Variants in TRIM71 observed in about 807,000 individuals in gnomAD.
TRIM71 encodes the protein E3 ubiquitin-protein ligase TRIM71.
Under a neutral mutation model 61.2 loss-of-function variants are expected in TRIM71, and 9 were observed. That is an observed-to-expected ratio of 0.15 (90% CI 0.09 to 0.26). TRIM71 has a LOEUF of 0.26. TRIM71 is among the 10% of genes least tolerant of loss of function. The pLI, the probability that TRIM71 is intolerant of heterozygous loss-of-function variation, is 1.00. For missense variants in TRIM71, 998 were observed against 1,238.7 expected (o/e 0.81, Z 2.92); for synonymous variants, 645 against 553.2 (o/e 1.17, Z -2.33).
At chr3:32,831,253 T>A (rs1696267312) in intron 1 of TRIM71, among the ~76,000 whole-genome samples, 1 of 152,118 alleles carries the variant, frequency 6.6e-6, no homozygotes, top group Admixed American at 6.6e-5. Flanking sequence ...AACAACTGGA[T>A]TTAAGTCCTA....
At chr3:32,873,795 C>A (rs1696823006) in intron 1 of TRIM71, 23 bp from the exon 2 acceptor site, 3 of 1,532,700 alleles carry the variant, frequency 2.0e-6, no homozygotes. Flanking sequence ...TCCATTTATG[C>A]CTGTACCCTC....
At chr3:32,871,805 A>G (rs1448025486) in intron 1 of TRIM71, among the ~76,000 whole-genome samples, 3 of 152,220 alleles carry the variant, frequency 2.0e-5, no homozygotes, top group African/African-American at 7.2e-5. Flanking sequence ...GCAGTGATCA[A>G]AATTAGTAGG....
At chr3:32,875,450 GTTGTTCACCCTCTAGGAGAAGAAAAA>G (rs1559548879) in intron 2 of TRIM71, among the ~76,000 whole-genome samples, 1 of 152,174 alleles carries the variant, frequency 6.6e-6, no homozygotes, top group African/African-American at 2.4e-5. Flanking sequence ...GTCAAGAAAA[GTTGTTCACCCTCTAGGAGAAGAAAAA>G]TTGTTCACCC....
chr3:32,891,046 A>G lies in TRIM71; in HGVS notation c.1842A>G (p.Val614=). Residue 614 remains valine (V), a synonymous_variant, in exon 4 of 4, where the codon GTA becomes GTG. Transcript: ENST00000383763. The surrounding 1 kb of genome is among the most constrained non-coding windows in gnomAD (Gnocchi z 8.2). ...GKLCRPWGVS[V]DKEGYIIVAD... is the part of the protein sequence containing the mutation. ...TCTGCCGCCCTTGGGGTGTGAGTGT[A>G]GACAAGGAGGGCTACATCATTGTCG... is the stretch of plus-strand genomic sequence containing the variant. 2 of 1,613,520 alleles carry G rather than the reference A, an allele frequency of 1.2e-6. No individual in the cohort carries two copies. The highest frequency in any genetic ancestry group is 8.5e-7 in the Non-Finnish European group (1 of 1,180,000).
intron 2 of TRIM71, among the ~76,000 whole-genome samples, chr3:32,881,327 C>T (rs564703956): frequency 6.6e-6 from 1 of 152,282 alleles, no homozygotes; most frequent in East Asian, 1.9e-4. Flanking sequence ...CCAAAAATTA[C>T]ATTTTAGAGT....
At position 32,818,216 on chromosome 3, in the gene TRIM71, G is replaced by A; in HGVS notation, c.136G>A (p.Gly46Ser). 5.2e-6 allele frequency: 8 copies of A among 1,550,760 alleles called. No individual in the cohort carries two copies. The highest frequency in any genetic ancestry group is 6.9e-6 in the Non-Finnish European group (8 of 1,154,932). Residue 46 changes from glycine to serine, a missense_variant, in exon 1 of 4, where the codon GGC (glycine) becomes AGC (serine). By Grantham distance (56) the Gly-to-Ser change is moderately conservative (BLOSUM62 0). This residue lies in a region of TRIM71 where 527 missense variants were observed against 427.8 expected (regional missense o/e 1.23). Transcript: ENST00000383763. Reference sequence around the variant, plus strand: ...GACGTCCACGTCGTCGGGGGGCGGCGGCGGGGGCCCTGGGGCGGCGGCGCG... The same window carrying A: ...GACGTCCACGTCGTCGGGGGGCGGCAGCGGGGGCCCTGGGGCGGCGGCGCG... ...SQTSTSSGGGGGGPGAAARRL... is the reference protein window; with the variant it reads ...SQTSTSSGGGSGGPGAAARRL...
intron 1 of TRIM71, among the ~76,000 whole-genome samples, chr3:32,865,703 A>T (rs1228310801): frequency 6.6e-6 from 1 of 151,404 alleles, no homozygotes; most frequent in Non-Finnish European, 1.5e-5. Flanking sequence ...TCAAGTCAGC[A>T]AGTAAGCCCA....
intron 1 of TRIM71, among the ~76,000 whole-genome samples, chr3:32,843,695 G>A (rs929869947): frequency 2.0e-5 from 3 of 152,154 alleles, no homozygotes; most frequent in Non-Finnish European, 4.4e-5. Context: ...CCCGTTACCC[G>A]CTGGGTTTTC....
intron 1 of TRIM71, among the ~76,000 whole-genome samples, chr3:32,850,863 C>G (rs1575348681): frequency 6.6e-6 from 1 of 152,290 alleles, no homozygotes; most frequent in East Asian, 1.9e-4. Context: ...TTGCATTGAT[C>G]AGATCCCGAA....
At chr3:32,863,262 GC>G (rs1357247006) in intron 1 of TRIM71, among the ~76,000 whole-genome samples, 1 of 138,076 alleles carries the variant, frequency 7.2e-6, no homozygotes, top group Admixed American at 8.0e-5. Context: ...CAGGCTGACT[GC>G]GGTGGTGCAT....
At position 32,890,397 on chromosome 3, in the gene TRIM71, A is replaced by G; in HGVS notation, c.1193A>G (p.Tyr398Cys). 6.2e-7 allele frequency: 1 copy of G among 1,613,760 alleles called. No homozygotes were observed. The highest frequency in any genetic ancestry group is 8.5e-7 in the Non-Finnish European group (1 of 1,179,726). ...CGCCAGGTGAAAGCCAAGTCTCTGT[A>G]CCTGCAGGTGGAGAAGCTGCGGCAA... ...KIRQVKAKSL[Y>C]LQVEKLRQNL... is the part of the protein sequence containing the mutation. Residue 398 changes from tyrosine (Y) to cysteine (C), a missense_variant, in exon 4 of 4, where the codon TAC becomes TGC. Coordinates refer to ENST00000383763, the MANE Select transcript of TRIM71 (RefSeq NM_001039111.3). The surrounding 1 kb of genome is among the most constrained non-coding windows in gnomAD (Gnocchi z 6.2).
rs1369576267 is a variant in TRIM71 at position 32,826,870 on chromosome 3, C to T, written c.852+7938C>T. Among the ~76,000 whole-genome samples the T allele has an allele frequency of 3.9e-5, 6 of 152,154 alleles. No homozygotes were observed. The East Asian group carries it at 1.2e-3, about 29-fold the overall frequency. ...CTCTGCCTCCTGGGTTCACGCCATC[C>T]TCCTGCCTCAGCCTTCCCAGTAGCT... is the stretch of plus-strand genomic sequence containing the variant. On this transcript the variant is annotated intron_variant, in intron 1 of 3. Coordinates refer to ENST00000383763, the MANE Select transcript of TRIM71 (RefSeq NM_001039111.3).
At chr3:32,864,026 A>G (rs1228033296) in intron 1 of TRIM71, among the ~76,000 whole-genome samples, 1 of 152,102 alleles carries the variant, frequency 6.6e-6, no homozygotes, top group Non-Finnish European at 1.5e-5. Context: ...GTGTGTATGT[A>G]CCACGGTGTA....
chr3:32,854,026 A>G (rs1696569410), intron 1 of TRIM71, among the ~76,000 whole-genome samples: 1 of 151,988 alleles, frequency 6.6e-6, no homozygotes, highest in Admixed American at 6.6e-5. Flanking sequence ...AAGGAAAGAA[A>G]AGTCTTGGTG....
At chr3:32,838,743 T>G (rs182446148) in intron 1 of TRIM71, among the ~76,000 whole-genome samples, 37 of 152,206 alleles carry the variant, frequency 2.4e-4, no homozygotes, top group Admixed American at 9.8e-4. Context: ...TGTGACAGAT[T>G]GGTGGTTTCC....
At chr3:32,864,573 GTTGT>G (rs1696708511) in intron 1 of TRIM71, among the ~76,000 whole-genome samples, 1 of 152,236 alleles carries the variant, frequency 6.6e-6, no homozygotes, top group South Asian at 2.1e-4. Flanking sequence ...TGGAGGACGT[GTTGT>G]TTATTCGAGA....
chr3:32,890,658 C>T lies in TRIM71; in HGVS notation c.1454C>T (p.Pro485Leu). Residue 485 changes from proline to leucine, a missense_variant, in exon 4 of 4, where the codon CCA (proline) becomes CTA (leucine). Around this residue, in one of 5 missense-constraint regions of TRIM71, gnomAD observed 291 missense variants for 431.2 expected, o/e 0.67. Transcript: ENST00000383763. This position sits in a 1 kb window ranked among gnomAD's most constrained non-coding sequence, Gnocchi z 6.2. ...FGFVSSGAFAPLTKATGDGLK... is the reference protein window; with the variant it reads ...FGFVSSGAFALLTKATGDGLK... ...TTTGTTAGCAGCGGGGCCTTTGCCC[C>T]ACTCACCAAGGCCACAGGCGATGGC... is the stretch of plus-strand genomic sequence containing the variant. 6.2e-7 allele frequency: 1 copy of T among 1,613,954 alleles called. No individual in the cohort carries two copies. Among genetic ancestry groups the T allele is most frequent in the South Asian group, 1.1e-5 (1 of 91,090 alleles).
intron 1 of TRIM71, among the ~76,000 whole-genome samples, chr3:32,841,738 T>C (rs1696408265): frequency 6.6e-6 from 1 of 152,206 alleles, no homozygotes; most frequent in African/African-American, 2.4e-5. Flanking sequence ...AAGTTTATTG[T>C]TTCCTTTTTC....
intron 1 of TRIM71, among the ~76,000 whole-genome samples, chr3:32,868,928 G>A (rs1489648242): frequency 1.3e-5 from 2 of 152,156 alleles, no homozygotes; most frequent in African/African-American, 2.4e-5. Flanking sequence ...CACGTGGCCA[G>A]GGCTACAGGA....
Sources: gnomAD v4.1 joint callset for allele counts (sites outside exome capture counted in the v4.1 genomes callset) on GRCh38, gnomAD v4.1.1 for gene constraint, gnomAD v4.1.1 regional missense constraint, Gnocchi (gnomAD v3.1) non-coding constraint, MANE v1.5 for transcripts, NCBI Gene and HGNC (gene_info 2026-07-23, HGNC 2026-07-21) for gene names.